COL11A1: variants seen among roughly 807,000 people sequenced by gnomAD.
COL11A1 encodes collagen type XI alpha 1 chain, also known as collagen alpha-1(XI) chain.
Under a neutral mutation model 265.2 loss-of-function variants are expected in COL11A1, and 74 were observed. The ratio of observed to expected loss-of-function variants is 0.28; its 90% confidence interval spans 0.23 to 0.34. COL11A1 has a LOEUF of 0.34. COL11A1 is among the 10% of genes least tolerant of loss of function. COL11A1 has a pLI of 1.00. For synonymous variants in COL11A1, 816 were observed against 727.6 expected (o/e 1.12, Z -1.96); for missense variants, 2,165 against 2,263.6 (o/e 0.96, Z 0.88).
intron 49 of COL11A1, among the ~76,000 whole-genome samples, chr1:102,918,267 A>G (rs1156401760): frequency 6.6e-5 from 10 of 151,790 alleles, no homozygotes; most frequent in Non-Finnish European, 1.5e-4. Flanking sequence ...ACAACAAATT[A>G]CTCTGTATGT....
chr1:102,900,966 G>T (rs1271413306), intron 54 of COL11A1, among the ~76,000 whole-genome samples: 1 of 151,982 alleles, frequency 6.6e-6, no homozygotes, highest in East Asian at 1.9e-4. Context: ...AAGTCAAGTG[G>T]GACCTAATAG....
intron 4 of COL11A1, among the ~76,000 whole-genome samples, chr1:103,056,323 C>G (rs1168564477): frequency 1.3e-5 from 2 of 152,050 alleles, no homozygotes; most frequent in East Asian, 3.9e-4. Context: ...CAGACCCAAA[C>G]CAATTGAGGA....
At chr1:102,896,914 A>G (rs1426218350) in intron 57 of COL11A1, among the ~76,000 whole-genome samples, 3 of 152,146 alleles carry the variant, frequency 2.0e-5, no homozygotes, top group Admixed American at 1.3e-4. Context: ...TTATGAGTTT[A>G]TCATATCTAA....
chr1:103,063,456 T>C (rs1053500277), intron 4 of COL11A1, among the ~76,000 whole-genome samples: 2 of 152,060 alleles, frequency 1.3e-5, no homozygotes, highest in Non-Finnish European at 2.9e-5. Context: ...GCAAATGAAA[T>C]ACAATGGAGC....
At chr1:103,083,023 T>A in intron 1 of COL11A1, 51 bp from the exon 2 acceptor site, 2 of 1,535,100 alleles carry the variant, frequency 1.3e-6, no homozygotes, top group South Asian at 2.3e-5. Context: ...CGATCTGATA[T>A]AACAATGAGT....
intron 1 of COL11A1, among the ~76,000 whole-genome samples, chr1:103,105,213 G>A (rs1319938328): frequency 6.6e-6 from 1 of 151,948 alleles, no homozygotes; most frequent in Non-Finnish European, 1.5e-5. Flanking sequence ...CCTGTGAATA[G>A]TAAGTAATGG....
chr1:103,008,888 T>G (rs1417336779), intron 14 of COL11A1, among the ~76,000 whole-genome samples: 3 of 152,190 alleles, frequency 2.0e-5, no homozygotes, highest in Non-Finnish European at 2.9e-5. Flanking sequence ...TATTACCAAA[T>G]CAGATATACA....
intron 5 of COL11A1, among the ~76,000 whole-genome samples, chr1:103,028,308 A>T (rs1453508726): frequency 6.6e-6 from 1 of 152,156 alleles, no homozygotes; most frequent in Non-Finnish European, 1.5e-5. Context: ...TGTTGGGATT[A>T]CAGGCGTGAG....
intron 1 of COL11A1, among the ~76,000 whole-genome samples, chr1:103,091,601 G>A (rs1387514216): frequency 6.6e-6 from 1 of 152,016 alleles, no homozygotes; most frequent in Non-Finnish European, 1.5e-5. Flanking sequence ...TACAGGACAT[G>A]GGAAGTGTTC....
chr1:102,880,595 T>C (rs1053283509), intron 65 of COL11A1, among the ~76,000 whole-genome samples: 3 of 152,172 alleles, frequency 2.0e-5, no homozygotes, highest in African/African-American at 7.2e-5. Context: ...TCAGTTGTAA[T>C]TTATTAGCAA....
Position 103,021,746 on chromosome 1 carries a change from T to C in COL11A1, c.1269A>G (p.Gly423=). ...CTGGTTCTCCTTTCTGTCCTTTCTCTCCATATGCACCATGGCCATTTATCT... is the reference window on the plus strand; with the variant it reads ...CTGGTTCTCCTTTCTGTCCTTTCTCCCCATATGCACCATGGCCATTTATCT... ...ETSINGHGAY[G]EKGQKGEPAV... The change falls in exon 9 of 67, where the codon GGA becomes GGG. Residue 423 remains glycine (G), a synonymous_variant. Transcript: ENST00000370096. 6.2e-7 allele frequency: 1 copy of C among 1,612,432 alleles called. No homozygotes were observed. Among genetic ancestry groups the C allele is most frequent in the African/African-American group, 1.3e-5 (1 of 75,012 alleles).
intron 4 of COL11A1, among the ~76,000 whole-genome samples, chr1:103,036,467 G>C (rs984364768): frequency 6.7e-6 from 1 of 149,612 alleles, no homozygotes; most frequent in African/African-American, 2.4e-5. Context: ...GCTGGTTTAA[G>C]TAGTTACTAT....
In COL11A1 at chr1:103,047,778, T is replaced by A. The variant is rs182422385; in HGVS notation, c.652-16534A>T. Among the ~76,000 whole-genome samples, 48 of 152,334 alleles carry A rather than the reference T, an allele frequency of 3.2e-4. No individual in the cohort carries two copies. In the South Asian group the frequency reaches 7.7e-3, roughly 24 times the overall value. On this transcript the variant is annotated intron_variant, in intron 4 of 66. Transcript: ENST00000370096. Reference sequence around the variant, plus strand: ...TCTTATTATTTTGAGATATGACCCATCAATACCTAATTTATTGAGAGTTTT... The same window carrying A: ...TCTTATTATTTTGAGATATGACCCAACAATACCTAATTTATTGAGAGTTTT...
intron 1 of COL11A1, among the ~76,000 whole-genome samples, chr1:103,088,235 A>G (rs932460553): frequency 3.3e-5 from 5 of 152,210 alleles, no homozygotes; most frequent in African/African-American, 1.2e-4. Context: ...CTGCTTCTTA[A>G]GTCCACCTCT....
At chr1:102,923,180 C>G (rs1159688186) in intron 47 of COL11A1, among the ~76,000 whole-genome samples, 156 bp downstream of exon 47, 1 of 152,006 alleles carries the variant, frequency 6.6e-6, no homozygotes, top group African/African-American at 2.4e-5. Flanking sequence ...AATCAAAATC[C>G]AGAGCTAAAG....
intron 28 of COL11A1, among the ~76,000 whole-genome samples, chr1:102,990,836 C>CTA (rs1664057790): frequency 6.6e-6 from 1 of 151,900 alleles, no homozygotes; most frequent in Admixed American, 6.6e-5. Context: ...AGTTCGAGAC[C>CTA]AGCCTGGCCA....
chr1:102,958,449 T>C (rs962242432), intron 41 of COL11A1, among the ~76,000 whole-genome samples: 1 of 152,208 alleles, frequency 6.6e-6, no homozygotes, highest in African/African-American at 2.4e-5. Flanking sequence ...GTTTTTGTTT[T>C]ATCTGTCATT....
chr1:102,963,669 A>C (rs1244348271), intron 38 of COL11A1, among the ~76,000 whole-genome samples: 40 of 152,270 alleles, frequency 2.6e-4, no homozygotes, highest in Non-Finnish European at 2.9e-5. Flanking sequence ...ATCTTGGATA[A>C]GGTATACACC....
intron 1 of COL11A1, among the ~76,000 whole-genome samples, chr1:103,097,172 C>G (rs188129956): frequency 5.9e-5 from 9 of 152,070 alleles, no homozygotes; most frequent in Non-Finnish European, 1.0e-4. Flanking sequence ...TGCACTGACC[C>G]TGCTAACTTG....
Sources: gnomAD v4.1 joint callset for allele counts (sites outside exome capture counted in the v4.1 genomes callset) on GRCh38, gnomAD v4.1.1 for gene constraint, MANE v1.5 for transcripts, NCBI Gene and HGNC (gene_info 2026-07-23, HGNC 2026-07-21) for gene names.